ARHGAP6: variants seen among roughly 807,000 people sequenced by gnomAD.
ARHGAP6 encodes the protein rho GTPase-activating protein 6.
A neutral mutation model predicts 55.7 loss-of-function variants in ARHGAP6; 16 were observed. The ratio of observed to expected loss-of-function variants is 0.29; its 90% CI spans 0.19 to 0.44. ARHGAP6 has a LOEUF of 0.44. Among genes scored for constraint, ARHGAP6 ranks in the 20% least tolerant of loss-of-function variants. ARHGAP6 has a pLI of 1.00. For synonymous variants in ARHGAP6, 382 were observed against 360.9 expected (o/e 1.06, Z -0.66); for missense variants, 698 against 808.9 (o/e 0.86, Z 1.66).
At chrX:11,346,397 C>T (rs1025657043) in intron 1 of ARHGAP6, among the ~76,000 whole-genome samples, 7 of 111,755 alleles carry the variant, frequency 6.3e-5, no homozygotes, top group Non-Finnish European at 1.9e-5. Context: ...TGTCCCATTA[C>T]AGAAAAGTTC....
chrX:11,509,687 G>C lies in ARHGAP6; in HGVS notation c.588+154554C>G, dbSNP rs60928737. On this transcript the variant is annotated intron_variant, in intron 1 of 12. Coordinates refer to ENST00000337414, the MANE Select transcript of ARHGAP6 (RefSeq NM_013427.3). ...ATGTTCCATTCAGGAATTTGAAATCGTAAGTCTAAAATCCAGAAGGTTATC... is the reference window on the plus strand; with the variant it reads ...ATGTTCCATTCAGGAATTTGAAATCCTAAGTCTAAAATCCAGAAGGTTATC... Among the ~76,000 whole-genome samples, 62 of 111,544 alleles carry C rather than the reference G, an allele frequency of 5.6e-4. No individual in the cohort carries two copies. In the Middle Eastern group the frequency reaches 0.023, roughly 41 times the overall value.
intron 1 of ARHGAP6, among the ~76,000 whole-genome samples, chrX:11,629,762 T>C (rs2052340275): frequency 9.0e-6 from 1 of 110,953 alleles, no homozygotes; most frequent in African/African-American, 3.3e-5. Context: ...CACACACCCT[T>C]AAGAGTTCCC....
intron 1 of ARHGAP6, among the ~76,000 whole-genome samples, chrX:11,620,738 A>G (rs987421096): frequency 4.5e-5 from 5 of 112,091 alleles, no homozygotes; most frequent in African/African-American, 1.6e-4. Context: ...CATTTGGCCA[A>G]TGTCTGGAGA....
chrX:11,489,375 T>C (rs564092803), intron 1 of ARHGAP6, among the ~76,000 whole-genome samples: 6 of 111,999 alleles, frequency 5.4e-5, no homozygotes, highest in African/African-American at 1.9e-4. Flanking sequence ...AAGAACGCTA[T>C]TGGAATTTTA....
chrX:11,433,790 C>A (rs2049962470), intron 1 of ARHGAP6, among the ~76,000 whole-genome samples: 1 of 112,493 alleles, frequency 8.9e-6, no homozygotes, highest in Admixed American at 9.4e-5. Context: ...CATCTGGATC[C>A]TCAGAACAAC....
chrX:11,253,959 T>G (rs1284603552), intron 2 of ARHGAP6, among the ~76,000 whole-genome samples: 16 of 110,832 alleles, frequency 1.4e-4, no homozygotes, highest in Non-Finnish European at 2.5e-4. Context: ...AGACAAAGTT[T>G]TATGGATTCA....
rs73501079 is a variant in ARHGAP6, at chrX:11,602,917, A to G, written c.588+61324T>C. On this transcript the variant is annotated intron_variant, in intron 1 of 12. Coordinates refer to ENST00000337414, the MANE Select transcript of ARHGAP6 (RefSeq NM_013427.3). Reference sequence around the variant, plus strand: ...AACTCACTTGAGTGCTTATGGACTCATGCTTTGCCCAGAACACCGGATGTG... The same window carrying G: ...AACTCACTTGAGTGCTTATGGACTCGTGCTTTGCCCAGAACACCGGATGTG... Among the ~76,000 whole-genome samples, 447 of 112,578 alleles carry G rather than the reference A, an allele frequency of 4.0e-3. 3 individuals carry two copies. The highest frequency in any genetic ancestry group is 0.014 in the African/African-American group (437 of 31,041).
chrX:11,296,881 C>G (rs940032272), intron 1 of ARHGAP6: 2 of 1,153,989 alleles, frequency 1.7e-6, no homozygotes, highest in African/African-American at 3.6e-5. Flanking sequence ...ATGCCCTGGG[C>G]TCTGTAAAGA....
At chrX:11,230,989 TTG>T (rs770081758) in intron 2 of ARHGAP6, among the ~76,000 whole-genome samples, 2 of 109,222 alleles carry the variant, frequency 1.8e-5, no homozygotes, top group Admixed American at 9.8e-5. Flanking sequence ...TGGTTACTTT[TTG>T]TGTGTGTGTG....
At chrX:11,210,721 G>C (rs1447791843) in intron 2 of ARHGAP6, among the ~76,000 whole-genome samples, 1 of 112,158 alleles carries the variant, frequency 8.9e-6, no homozygotes, top group African/African-American at 3.2e-5. Flanking sequence ...AAATGAAGCA[G>C]TTATTGCGGA....
chrX:11,342,891 T>C (rs1399290959), intron 1 of ARHGAP6, among the ~76,000 whole-genome samples: 3 of 112,468 alleles, frequency 2.7e-5, no homozygotes, highest in Admixed American at 9.4e-5. Flanking sequence ...ATGTCACTGC[T>C]CTCTGTCAAG....
intron 1 of ARHGAP6, among the ~76,000 whole-genome samples, chrX:11,260,743 G>A (rs1228376129): frequency 3.6e-5 from 4 of 111,550 alleles, no homozygotes; most frequent in Non-Finnish European, 7.5e-5. Flanking sequence ...CAACTATTTA[G>A]AAATGTAAAC....
chrX:11,301,441 C>A (rs1404000639), intron 1 of ARHGAP6, among the ~76,000 whole-genome samples: 1 of 111,582 alleles, frequency 9.0e-6, no homozygotes, highest in African/African-American at 3.3e-5. Flanking sequence ...ATATTTGAAT[C>A]CTTTTTTCTT....
chrX:11,212,842 C>T (rs905612170), intron 2 of ARHGAP6, among the ~76,000 whole-genome samples: 3 of 111,851 alleles, frequency 2.7e-5, no homozygotes, highest in Non-Finnish European at 5.7e-5. Flanking sequence ...TATATAGGAC[C>T]TGTAGATGCC....
chrX:11,588,727 A>G (rs1417428249), intron 1 of ARHGAP6, among the ~76,000 whole-genome samples: 1 of 112,234 alleles, frequency 8.9e-6, no homozygotes, highest in Non-Finnish European at 1.9e-5. Flanking sequence ...CAATCCATAG[A>G]GACAAAAAGT....
intron 1 of ARHGAP6, among the ~76,000 whole-genome samples, chrX:11,523,925 C>T (rs1036967704): frequency 2.7e-5 from 3 of 111,738 alleles, no homozygotes; most frequent in African/African-American, 9.8e-5. Flanking sequence ...CAGGCTCTGA[C>T]ACTTATTGTG....
chrX:11,605,267 G>A (rs1015838636), intron 1 of ARHGAP6, among the ~76,000 whole-genome samples: 3 of 111,523 alleles, frequency 2.7e-5, no homozygotes, highest in Non-Finnish European at 5.6e-5. Flanking sequence ...AGGTAAAAAT[G>A]ACGAAGCCTG....
At chrX:11,406,980 T>C (rs997696795) in intron 1 of ARHGAP6, among the ~76,000 whole-genome samples, 4 of 111,073 alleles carry the variant, frequency 3.6e-5, no homozygotes, top group Non-Finnish European at 7.6e-5. Flanking sequence ...TTTTTATAAC[T>C]ACATTATTGA....
chrX:11,449,558 T>C (rs1354097289), intron 1 of ARHGAP6, among the ~76,000 whole-genome samples: 2 of 112,286 alleles, frequency 1.8e-5, no homozygotes, highest in Non-Finnish European at 3.8e-5. Context: ...CCCTACCTCT[T>C]TGGGCTACGC....
Sources: gnomAD v4.1 joint callset for allele counts (sites outside exome capture counted in the v4.1 genomes callset) on GRCh38, gnomAD v4.1.1 for gene constraint, MANE v1.5 for transcripts, NCBI Gene and HGNC (gene_info 2026-07-23, HGNC 2026-07-21) for gene names.